CMYA5: variants seen among roughly 807,000 people sequenced by gnomAD.
CMYA5 encodes the protein cardiomyopathy associated 5.
In CMYA5, 246 loss-of-function variants were observed where a neutral mutation model predicts 318.9. The observed-to-expected ratio is 0.77, with a 90% CI of 0.70 to 0.86. The LOEUF is 0.86. Ranked by LOEUF, CMYA5 falls within the 40% of genes least tolerant of loss-of-function variation. The pLI is 0.00. For synonymous variants in CMYA5, 1,641 were observed against 1,729.5 expected (o/e 0.95, Z 1.27); for missense variants, 4,589 against 4,678.2 (o/e 0.98, Z 0.56).
At chr5:79,690,200 C>A in intron 1 of CMYA5, 144 bp downstream of exon 1, 1 of 1,250,798 alleles carries the variant, frequency 8.0e-7, no homozygotes. Context: ...TTTAAAAGAA[C>A]TTGAAGGTGA....
At chr5:79,777,289 C>A (rs923465868) in intron 9 of CMYA5, among the ~76,000 whole-genome samples, 2 of 152,112 alleles carry the variant, frequency 1.3e-5, no homozygotes, top group African/African-American at 4.8e-5. Context: ...CCCAATTCTC[C>A]TCCCCAGAAG....
At position 79,737,566 on chromosome 5, in the gene CMYA5, C is replaced by A. The variant is rs773303624; in HGVS notation, c.8801C>A (p.Ala2934Asp). The A allele has an allele frequency of 3.1e-6, 5 of 1,613,584 alleles. No homozygotes were observed. The South Asian group carries it at 4.4e-5, about 14-fold the overall frequency. The stretch of plus-strand genomic sequence containing the variant: ...GACTTTACAGTGACTAGTAAGCCAG[C>A]CGGACTTTCAGAAGATCAGAAGACT... ...GEDFTVTSKP[A>D]GLSEDQKTAF... Residue 2934 changes from alanine to aspartate, a missense_variant, in exon 2 of 13, where the codon GCC becomes GAC. Ala to Asp is a moderately radical substitution (Grantham distance 126). Transcript: ENST00000446378.
intron 1 of CMYA5, among the ~76,000 whole-genome samples, chr5:79,709,473 GT>G (rs1827339632): frequency 6.6e-6 from 1 of 152,058 alleles, no homozygotes; most frequent in African/African-American, 2.4e-5. Context: ...TCAAAGTATG[GT>G]TTTCTTTCAG....
In CMYA5 at chr5:79,734,362, C is replaced by G. The variant is rs754682869; in HGVS notation, c.5597C>G (p.Ser1866Ter). The change falls in exon 2 of 13, where the codon TCA becomes TGA. Residue 1866 changes from serine (S) to a stop codon, truncating the protein, a stop_gained. Coordinates refer to ENST00000446378, the MANE Select transcript of CMYA5 (RefSeq NM_153610.5). LOFTEE classifies it high-confidence loss of function. ...LMRENLPLEQ[S>*]KSFMTTKPAD... The stretch of plus-strand genomic sequence containing the variant: ...AGAGAGAATTTGCCTTTGGAACAAT[C>G]AAAATCATTTATGACAACCAAGCCT... 6.2e-6 allele frequency: 10 copies of G among 1,613,834 alleles called. No individual in the cohort carries two copies. The highest frequency in any genetic ancestry group is 4.4e-5 in the South Asian group (4 of 91,072).
Position 79,736,426 on chromosome 5 carries a change from A to C in CMYA5, c.7661A>C (p.Gln2554Pro). 6.2e-7 allele frequency: 1 copy of C among 1,609,304 alleles called. No individual in the cohort carries two copies. The highest frequency in any genetic ancestry group is 2.2e-5 in the East Asian group (1 of 44,734). The part of the protein sequence containing the change: ...QVYVLSEGKK[Q>P]QEHQPYSVNV... ...TATGTGCTTTCAGAAGGAAAGAAGC[A>C]GCAGGAACATCAGCCTTATTCTGTG... The change falls in exon 2 of 13, where the codon CAG (glutamine) becomes CCG (proline). Residue 2554 changes from glutamine (Q) to proline (P), a missense_variant. Gln to Pro is a moderately conservative substitution (Grantham distance 76). Transcript: ENST00000446378.
chr5:79,747,715 T>C (rs1036168747), intron 5 of CMYA5, among the ~76,000 whole-genome samples: 1 of 152,224 alleles, frequency 6.6e-6, no homozygotes, highest in Admixed American at 6.5e-5. Context: ...ATCAGATTTA[T>C]GTTTATCTTT....
chr5:79,750,486 GAGTC>G (rs1178753134), intron 5 of CMYA5, among the ~76,000 whole-genome samples: 10 of 152,212 alleles, frequency 6.6e-5, no homozygotes, highest in Admixed American at 6.5e-4. Context: ...GTTGTACAGA[GAGTC>G]AGTGCCCTAA....
At chr5:79,760,573 G>T (rs953364997) in intron 7 of CMYA5, among the ~76,000 whole-genome samples, 1 of 152,096 alleles carries the variant, frequency 6.6e-6, no homozygotes, top group Non-Finnish European at 1.5e-5. Flanking sequence ...TGGCAGGGAA[G>T]AGAGAGAGAG....
In CMYA5 at chr5:79,729,681, G is replaced by T. The variant is rs200009587; in HGVS notation, c.916G>T (p.Ala306Ser). 1.2e-6 allele frequency: 2 copies of T among 1,613,400 alleles called. No individual in the cohort carries two copies. Among genetic ancestry groups the T allele is most frequent in the South Asian group, 2.2e-5 (2 of 91,032 alleles). ...VKEVFPPWRG[A>S]LSKGSESLTL... ...AGAGGTTTTTCCACCCTGGAGAGGCGCACTCTCCAAAGGATCAGAGTCCCT... is the reference window on the plus strand; with the variant it reads ...AGAGGTTTTTCCACCCTGGAGAGGCTCACTCTCCAAAGGATCAGAGTCCCT... The change falls in exon 2 of 13, where the codon GCA becomes TCA. Residue 306 changes from alanine (A) to serine (S), a missense_variant. Ala to Ser is a moderately conservative substitution (Grantham distance 99). Transcript: ENST00000446378.
At position 79,735,468 on chromosome 5, in the gene CMYA5, G is replaced by C. The variant is rs1257948485; in HGVS notation, c.6703G>C (p.Asp2235His). 6.2e-7 allele frequency: 1 copy of C among 1,613,744 alleles called. No individual in the cohort carries two copies. The highest frequency in any genetic ancestry group is 8.5e-7 in the Non-Finnish European group (1 of 1,179,716). ...TNFNVAEKPA[D>H]HSLSEVKLKT... The stretch of plus-strand genomic sequence containing the variant: ...TTTTAATGTAGCTGAGAAACCAGCT[G>C]ATCATTCATTATCAGAGGTAAAACT... The change falls in exon 2 of 13, where the codon GAT becomes CAT. Residue 2235 changes from aspartate (D) to histidine (H), a missense_variant. By Grantham distance (81) the Asp-to-His change is moderately conservative. This residue lies in a region of CMYA5 where 2,431 missense variants were observed against 2,495.1 expected (regional missense o/e 0.97). Coordinates refer to ENST00000446378, the MANE Select transcript of CMYA5 (RefSeq NM_153610.5).
At chr5:79,725,808 G>A (rs1163558387) in intron 1 of CMYA5, among the ~76,000 whole-genome samples, 1 of 152,204 alleles carries the variant, frequency 6.6e-6, no homozygotes, top group Non-Finnish European at 1.5e-5. Context: ...CGAGGCTGAG[G>A]CAGGGGAATC....
At chr5:79,790,268 TC>T (rs1008116914) in intron 10 of CMYA5, among the ~76,000 whole-genome samples, 2 of 142,476 alleles carry the variant, frequency 1.4e-5, no homozygotes, top group Admixed American at 6.9e-5. Context: ...TATCGGTGCA[TC>T]CCCCATTTTT....
intron 9 of CMYA5, among the ~76,000 whole-genome samples, chr5:79,768,981 CTTTG>C (rs1828806361): frequency 6.6e-6 from 1 of 152,048 alleles, no homozygotes; most frequent in African/African-American, 2.4e-5. Flanking sequence ...TTCTTGGAGG[CTTTG>C]TTTGTTCCTT....
intron 1 of CMYA5, among the ~76,000 whole-genome samples, chr5:79,718,536 C>T (rs2151080624): frequency 6.6e-6 from 1 of 152,184 alleles, no homozygotes; most frequent in South Asian, 2.1e-4. Flanking sequence ...TATATACTTC[C>T]CGTTAGTGCA....
intron 7 of CMYA5, among the ~76,000 whole-genome samples, chr5:79,759,935 C>G (rs1461393172): frequency 6.6e-6 from 1 of 152,190 alleles, no homozygotes; most frequent in Non-Finnish European, 1.5e-5. Flanking sequence ...CACAGCACAA[C>G]CAAGTAAGTG....
At chr5:79,785,096 T>G (rs1384138763) in intron 9 of CMYA5, among the ~76,000 whole-genome samples, 1 of 152,076 alleles carries the variant, frequency 6.6e-6, no homozygotes, top group Non-Finnish European at 1.5e-5. Context: ...TCTGAAATAC[T>G]TCCATTATTA....
At chr5:79,741,713 G>T (rs972891836) in intron 2 of CMYA5, among the ~76,000 whole-genome samples, 1 of 152,084 alleles carries the variant, frequency 6.6e-6, no homozygotes, top group Non-Finnish European at 1.5e-5. Flanking sequence ...GCAGAAAGAA[G>T]ACTGAATTTT....
chr5:79,725,834 G>C (rs1481620796), intron 1 of CMYA5, among the ~76,000 whole-genome samples: 1 of 152,176 alleles, frequency 6.6e-6, no homozygotes, highest in African/African-American at 2.4e-5. Context: ...AACCCAGGAG[G>C]CAGAGGTTGC....
chr5:79,786,031 T>C (rs1019784126), intron 9 of CMYA5, among the ~76,000 whole-genome samples: 2 of 152,190 alleles, frequency 1.3e-5, no homozygotes, highest in Non-Finnish European at 2.9e-5. Context: ...CATCTCTCAT[T>C]CGCAGAGCAG....
Sources: gnomAD v4.1 joint callset for allele counts (sites outside exome capture counted in the v4.1 genomes callset) on GRCh38, gnomAD v4.1.1 for gene constraint, gnomAD v4.1.1 regional missense constraint, MANE v1.5 for transcripts, NCBI Gene and HGNC (gene_info 2026-07-23, HGNC 2026-07-21) for gene names.